Variants in ZFP1 observed in about 807,000 individuals in gnomAD.
ZFP1 encodes the protein zinc finger protein 1 homolog.
A neutral mutation model predicts 38.5 loss-of-function variants in ZFP1; 32 were observed. The observed-to-expected ratio is 0.83, with a 90% CI of 0.63 to 1.12. ZFP1 has a LOEUF of 1.12. Among genes scored for constraint, ZFP1 ranks in the 50% most tolerant of loss-of-function variants. ZFP1 has a pLI of 0.00. For synonymous variants in ZFP1, 245 were observed against 168.8 expected (o/e 1.45, Z -3.50); for missense variants, 616 against 480.8 (o/e 1.28, Z -2.63).
intron 2 of ZFP1, among the ~76,000 whole-genome samples, chr16:75,159,283 TTCC>T (rs2037629679): frequency 9.9e-6 from 1 of 101,342 alleles, no homozygotes; most frequent in Admixed American, 1.1e-4. Flanking sequence ...CTCACTTCCC[TTCC>T]TTCCCTCCCT....
chr16:75,168,998 T>G (rs2038262696), intron 3 of ZFP1, among the ~76,000 whole-genome samples: 2 of 152,208 alleles, frequency 1.3e-5, no homozygotes, highest in South Asian at 2.1e-4. Flanking sequence ...CTGCCCACTT[T>G]AAGGTCATTT....
upstream of ZFP1, chr16:75,148,408 G>C (rs949985520): frequency 6.6e-6 from 1 of 152,254 alleles, no homozygotes. Context: ...CCGCGGCCCC[G>C]GAGGCTTGTG....
chr16:75,128,603 C>T, the ZFP1 span, among the ~76,000 whole-genome samples: 1 of 152,146 alleles, frequency 6.6e-6, no homozygotes, highest in Non-Finnish European at 1.5e-5. Context: ...TTTTTCTTGG[C>T]AACGTGTCTT....
intron 2 of ZFP1, among the ~76,000 whole-genome samples, chr16:75,163,105 C>T (rs1383693804): frequency 1.3e-5 from 2 of 150,870 alleles, no homozygotes; most frequent in South Asian, 2.1e-4. Flanking sequence ...AGACGGGGTT[C>T]GCCATGTTGG....
intron 2 of ZFP1, among the ~76,000 whole-genome samples, chr16:75,164,573 A>G (rs2037959988): frequency 6.6e-6 from 1 of 152,090 alleles, no homozygotes; most frequent in Non-Finnish European, 1.5e-5. Context: ...ACATCTTTGA[A>G]TAGTGGTAAT....
At chr16:75,164,141 G>GTTACT (rs749268181) in intron 2 of ZFP1, among the ~76,000 whole-genome samples, 14 of 152,106 alleles carry the variant, frequency 9.2e-5, no homozygotes, top group Non-Finnish European at 2.1e-4. Context: ...TTCAGGCTTT[G>GTTACT]TTACTTTGTT....
At chr16:75,162,153 C>T (rs573052448) in intron 2 of ZFP1, among the ~76,000 whole-genome samples, 1 of 151,832 alleles carries the variant, frequency 6.6e-6, no homozygotes, top group African/African-American at 2.4e-5. Flanking sequence ...GACAGGGTCT[C>T]ACTTTGTCAC....
chr16:75,166,675 T>C (rs777078385), intron 2 of ZFP1, 95 bp from the exon 3 acceptor site: 196 of 1,599,238 alleles, frequency 1.2e-4, no homozygotes, highest in Non-Finnish European at 1.6e-4. Flanking sequence ...TGGTGTAATA[T>C]ATAGATTTTC....
upstream of ZFP1, among the ~76,000 whole-genome samples, chr16:75,147,314 G>A (rs536426722): frequency 1.3e-5 from 2 of 152,112 alleles, no homozygotes; most frequent in Non-Finnish European, 1.5e-5. Context: ...TTGAGACAGG[G>A]TCACCCAAGC....
chr16:75,166,800 G>C lies in ZFP1; in HGVS notation c.46G>C (p.Asp16His), dbSNP rs774731795. The C allele has an allele frequency of 2.5e-6, 4 of 1,614,018 alleles. No individual in the cohort carries two copies. The African/African-American group carries it at 4.0e-5, about 16-fold the overall frequency. ...GSVSFTDVTV[D>H]FTQEEWEQLD... ...AGTTTCATTCACGGATGTGACTGTG[G>C]ACTTTACCCAGGAGGAATGGGAACA... Residue 16 changes from aspartate (D) to histidine (H), a missense_variant, in exon 3 of 4, where the codon GAC becomes CAC. Asp to His is a moderately conservative substitution (Grantham distance 81). Transcript: ENST00000570010.
chr16:75,158,746 G>A (rs1232067351), intron 2 of ZFP1, among the ~76,000 whole-genome samples: 2 of 150,416 alleles, frequency 1.3e-5, no homozygotes, highest in African/African-American at 4.9e-5. Flanking sequence ...AGTGGTTGCT[G>A]TAGAGATTAC....
the ZFP1 span, among the ~76,000 whole-genome samples, chr16:75,136,566 A>G: frequency 1.3e-5 from 2 of 152,332 alleles, no homozygotes; most frequent in South Asian, 4.1e-4. Context: ...TTAATTACAT[A>G]TAGAACTATT....
the ZFP1 span, among the ~76,000 whole-genome samples, chr16:75,142,049 A>C: frequency 1.6e-5 from 2 of 121,640 alleles, no homozygotes; most frequent in Admixed American, 1.9e-4. Flanking sequence ...GCAAGACTCC[A>C]TCTCAAAGAA....
intron 2 of ZFP1, among the ~76,000 whole-genome samples, chr16:75,166,276 A>G (rs2038076749): frequency 6.6e-6 from 1 of 152,212 alleles, no homozygotes; most frequent in Admixed American, 6.6e-5. Flanking sequence ...TCTGTTGCCC[A>G]GGCTGGAGTA....
chr16:75,166,269 G>A (rs2038076437), intron 2 of ZFP1, among the ~76,000 whole-genome samples: 1 of 152,178 alleles, frequency 6.6e-6, no homozygotes, highest in Admixed American at 6.5e-5. Context: ...GTCTTACTCT[G>A]TTGCCCAGGC....
chr16:75,160,370 TA>T (rs2037702871), intron 2 of ZFP1, among the ~76,000 whole-genome samples: 1 of 152,068 alleles, frequency 6.6e-6, no homozygotes, highest in Non-Finnish European at 1.5e-5. Context: ...CCATCTGTAC[TA>T]AACCCCATCT....
chr16:75,124,801 A>AG, the ZFP1 span, among the ~76,000 whole-genome samples: 1 of 147,878 alleles, frequency 6.8e-6, no homozygotes, highest in Non-Finnish European at 1.5e-5. Flanking sequence ...AAAAAAAAAA[A>AG]AGCAAGGTAA....
intron 2 of ZFP1, among the ~76,000 whole-genome samples, chr16:75,166,085 G>T (rs1290410734): frequency 6.6e-6 from 1 of 152,260 alleles, no homozygotes; most frequent in East Asian, 1.9e-4. Context: ...GTATTTTACA[G>T]TTGGAAGTTC....
At chr16:75,133,300 G>T in the ZFP1 span, among the ~76,000 whole-genome samples, 1 of 152,082 alleles carries the variant, frequency 6.6e-6, no homozygotes, top group East Asian at 1.9e-4. Flanking sequence ...TAGATTCGGG[G>T]GTACATGCGC....
Sources: allele counts gnomAD v4.1 joint callset (sites outside exome capture counted in the v4.1 genomes callset), GRCh38; gene constraint gnomAD v4.1.1; transcripts MANE v1.5; gene names NCBI Gene and HGNC (gene_info 2026-07-23, HGNC 2026-07-21).